Variants in RYR3 observed in about 807,000 individuals in gnomAD.
RYR3 encodes ryanodine receptor 3.
Under a neutral mutation model 584.3 loss-of-function variants are expected in RYR3, and 207 were observed. That is an observed-to-expected ratio of 0.35 (90% CI 0.32 to 0.40). The LOEUF (loss-of-function observed/expected upper bound fraction) is 0.40. Ranked by LOEUF, RYR3 falls within the 10% of genes least tolerant of loss-of-function variation. The probability of loss-of-function intolerance (pLI) is 1.00; values close to 1 mark genes in which losing one functional copy is unlikely to be tolerated. For missense variants in RYR3, 5,616 were observed against 6,089.2 expected, an observed-to-expected ratio of 0.92 and a Z score of 2.59; for synonymous variants, 2,416 against 2,248.5, an observed-to-expected ratio of 1.07 and a Z score of -2.11.
At chr15:33,425,232 G>T (rs888375169) in intron 1 of RYR3, among the ~76,000 whole-genome samples, 4 of 152,222 alleles carry the variant, frequency 2.6e-5, no homozygotes, top group Non-Finnish European at 5.9e-5. Flanking sequence ...AATTGCATAA[G>T]ATGTTTCTGT....
At chr15:33,453,742 G>GT (rs1426607405) in intron 1 of RYR3, among the ~76,000 whole-genome samples, 4 of 152,126 alleles carry the variant, frequency 2.6e-5, no homozygotes, top group Admixed American at 1.3e-4. Context: ...AAATAAGGAT[G>GT]TTTTTTCTAA....
intron 2 of RYR3, among the ~76,000 whole-genome samples, chr15:33,479,427 T>TA (rs71415521): frequency 0.043 from 2,066 of 48,026 alleles, 26 homozygotes; most frequent in Non-Finnish European, 0.086. Flanking sequence ...TATAAAACTT[T>TA]AAAAAAAAAA....
At chr15:33,731,806 C>A in intron 48 of RYR3, 112 bp downstream of exon 48, 1 of 732,286 alleles carries the variant, frequency 1.4e-6, no homozygotes, top group South Asian at 1.6e-5. Context: ...AGGCCATTGT[C>A]ATACACCAGC....
chr15:33,834,418 G>C (rs1219518478), intron 86 of RYR3, among the ~76,000 whole-genome samples: 1 of 151,668 alleles, frequency 6.6e-6, no homozygotes, highest in East Asian at 1.9e-4. Context: ...TGAAGTTTAG[G>C]TTAATAAGAA....
At chr15:33,606,433 C>T (rs1477484519) in intron 18 of RYR3, among the ~76,000 whole-genome samples, 1 of 152,166 alleles carries the variant, frequency 6.6e-6, no homozygotes, top group Non-Finnish European at 1.5e-5. Flanking sequence ...ATAAAGAACC[C>T]CCATTCCATG....
chr15:33,366,695 C>T (rs1975547506), intron 1 of RYR3, among the ~76,000 whole-genome samples: 1 of 152,148 alleles, frequency 6.6e-6, no homozygotes, highest in Non-Finnish European at 1.5e-5. Context: ...TGTTGAGGAG[C>T]CTCAGTGTGC....
intron 16 of RYR3, among the ~76,000 whole-genome samples, chr15:33,594,762 A>G (rs1258342943): frequency 6.6e-6 from 1 of 152,202 alleles, no homozygotes; most frequent in Non-Finnish European, 1.5e-5. Context: ...CTTTTTGTGG[A>G]TGAAAAAAAG....
At chr15:33,369,263 C>G (rs1280058331) in intron 1 of RYR3, among the ~76,000 whole-genome samples, 3 of 152,158 alleles carry the variant, frequency 2.0e-5, no homozygotes, top group Non-Finnish European at 4.4e-5. Context: ...TAACATAGAC[C>G]TTGTTCTTCT....
At chr15:33,852,253 C>G (rs1480488187) in intron 94 of RYR3, 3 of 152,164 alleles carry the variant, frequency 2.0e-5, no homozygotes, top group Admixed American at 6.5e-5. Flanking sequence ...GGAACCCCCC[C>G]ACAGGAAGGA....
chr15:33,598,504 T>C (rs8032205), intron 16 of RYR3, among the ~76,000 whole-genome samples: 67,578 of 151,812 alleles, frequency 0.45, 15,574 homozygotes, highest in East Asian at 0.79. Context: ...CAGAAATTAA[T>C]ACCAGCTGGT....
chr15:33,862,203 A>G (rs1888514613), intron 102 of RYR3, among the ~76,000 whole-genome samples: 1 of 151,736 alleles, frequency 6.6e-6, no homozygotes, highest in Non-Finnish European at 1.5e-5. Flanking sequence ...TCTATTTTGT[A>G]GCTTAGAGAG....
chr15:33,605,250 T>G (rs2059851568), intron 18 of RYR3, among the ~76,000 whole-genome samples: 1 of 152,204 alleles, frequency 6.6e-6, no homozygotes, highest in Non-Finnish European at 1.5e-5. Flanking sequence ...TCAGGAGGCA[T>G]GGAACCCATT....
intron 2 of RYR3, among the ~76,000 whole-genome samples, chr15:33,477,950 A>G (rs966976091): frequency 8.0e-5 from 12 of 150,654 alleles, no homozygotes; most frequent in African/African-American, 2.7e-4. Flanking sequence ...GAGAGAGGAA[A>G]TGTTTCTTTT....
At chr15:33,854,600 T>C (rs2079449422) in intron 97 of RYR3, among the ~76,000 whole-genome samples, 151 bp downstream of exon 97, 1 of 152,070 alleles carries the variant, frequency 6.6e-6, no homozygotes, top group African/African-American at 2.4e-5. Context: ...TATACAATGG[T>C]ATAAGGTAGA....
At chr15:33,798,939 TA>T (rs2075771743) in intron 67 of RYR3, among the ~76,000 whole-genome samples, 1 of 152,202 alleles carries the variant, frequency 6.6e-6, no homozygotes, top group Non-Finnish European at 1.5e-5. Context: ...AGGTACAGGC[TA>T]CCCACAACAA....
At chr15:33,389,523 C>T (rs1024189829) in intron 1 of RYR3, among the ~76,000 whole-genome samples, 8 of 152,048 alleles carry the variant, frequency 5.3e-5, no homozygotes, top group South Asian at 4.1e-4. Flanking sequence ...CAATGGGTAT[C>T]GATTACTTGC....
chr15:33,700,917 A>C, intron 41 of RYR3, 60 bp from the exon 42 acceptor site: 1 of 1,242,710 alleles, frequency 8.0e-7, no homozygotes, highest in African/African-American at 1.5e-5. Flanking sequence ...CTGCAGTCTC[A>C]GCTCAGCACT....
rs140034436 is a variant in RYR3 at position 33,488,787 on chromosome 15, G to A, written c.172-14844G>A. Among the ~76,000 whole-genome samples the A allele has an allele frequency of 9.2e-3, 1,403 of 152,190 alleles. 28 individuals are homozygous for A. Among genetic ancestry groups the A allele is most frequent in the African/African-American group, 0.032 (1,347 of 41,522 alleles). ...AATCGCTTGAACCCAGGAGGCGGGG[G>A]TTGCAGTGAGCCGAGACTGCACTAC... On this transcript the variant is annotated intron_variant, in intron 2 of 103. Transcript: ENST00000634891.
At chr15:33,758,216 C>T (rs980173646) in intron 60 of RYR3, among the ~76,000 whole-genome samples, 4 of 152,156 alleles carry the variant, frequency 2.6e-5, no homozygotes, top group Non-Finnish European at 5.9e-5. Flanking sequence ...ACTGGGTGGC[C>T]GTTCGGGCAG....
Sources: gnomAD v4.1 joint callset for allele counts (sites outside exome capture counted in the v4.1 genomes callset) on GRCh38, gnomAD v4.1.1 for gene constraint, MANE v1.5 for transcripts, NCBI Gene and HGNC (gene_info 2026-07-23, HGNC 2026-07-21) for gene names.